Variants in CBFA2T2 observed in about 807,000 individuals in gnomAD.
CBFA2T2 encodes the protein CBFA2/RUNX1 partner transcriptional co-repressor 2.
A neutral mutation model predicts 62.2 loss-of-function variants in CBFA2T2; 11 were observed. The observed-to-expected ratio is 0.18, with a 90% confidence interval of 0.11 to 0.29. The LOEUF (loss-of-function observed/expected upper bound fraction) is 0.29. Among genes scored for constraint, CBFA2T2 ranks in the 10% least tolerant of loss-of-function variants. CBFA2T2 has a pLI of 1.00. For synonymous variants in CBFA2T2, 295 were observed against 287.5 expected (o/e 1.03, Z -0.27); for missense variants, 592 against 774.1 (o/e 0.76, Z 2.79).
At position 33,650,002 on chromosome 20, in the gene CBFA2T2, A is replaced by G. The variant is rs2017194435; in HGVS notation, c.*5356A>G. 1 of 151,136 alleles carries G rather than the reference A, an allele frequency of 6.6e-6. No homozygotes were observed. The highest frequency in any genetic ancestry group is 1.9e-4 in the East Asian group (1 of 5,186). The allele number at this position is 151,136 out of a possible 1,614,324, so 9.4% of individuals were successfully genotyped here. A position where few individuals can be genotyped will look rare whatever the true frequency, so the allele number is the denominator to read the frequency against. On this transcript the variant is annotated 3_prime_UTR_variant, in exon 11 of 11. Transcript: ENST00000342704. ...AATATGTATTTAGTTTGTTCTACTT[A>G]AAGTAGTCAATAAAAAGGCTATATT... is the stretch of plus-strand genomic sequence containing the variant.
At chr20:33,543,585 G>A (rs1436654860) in intron 1 of CBFA2T2, among the ~76,000 whole-genome samples, 2 of 152,102 alleles carry the variant, frequency 1.3e-5, no homozygotes, top group African/African-American at 2.4e-5. Flanking sequence ...TGAACTTGAA[G>A]GTGTTTTAGA....
At chr20:33,599,819 C>T (rs2015043541) in intron 1 of CBFA2T2, among the ~76,000 whole-genome samples, 2 of 152,134 alleles carry the variant, frequency 1.3e-5, no homozygotes, top group Non-Finnish European at 2.9e-5. Context: ...GTCTTGAACT[C>T]CTGACCTCAG....
intron 8 of CBFA2T2, among the ~76,000 whole-genome samples, chr20:33,632,792 G>A (rs554065370): frequency 1.8e-4 from 28 of 151,846 alleles, no homozygotes; most frequent in African/African-American, 5.6e-4. Flanking sequence ...TGTTTGAGAC[G>A]GAGTCTTGTC....
intron 4 of CBFA2T2, 142 bp downstream of exon 4, chr20:33,619,748 A>C (rs2015863972): frequency 3.5e-6 from 2 of 578,262 alleles, no homozygotes; most frequent in South Asian, 4.6e-5. Context: ...GAGTGCAGTT[A>C]ACAGATAAAC....
At chr20:33,553,160 C>T (rs954822576) in intron 1 of CBFA2T2, among the ~76,000 whole-genome samples, 1 of 152,176 alleles carries the variant, frequency 6.6e-6, no homozygotes, top group Non-Finnish European at 1.5e-5. Flanking sequence ...AGTGTAACCT[C>T]AGTAGGTGTT....
At chr20:33,571,877 T>TTTTG (rs1205979236) in intron 1 of CBFA2T2, among the ~76,000 whole-genome samples, 1 of 152,108 alleles carries the variant, frequency 6.6e-6, no homozygotes, top group African/African-American at 2.4e-5. Flanking sequence ...TTTTCTTGTG[T>TTTTG]TTTGTTTGTT....
intron 6 of CBFA2T2, among the ~76,000 whole-genome samples, chr20:33,628,127 C>T (rs1323984076): frequency 2.6e-5 from 4 of 152,124 alleles, no homozygotes; most frequent in Admixed American, 2.0e-4. Flanking sequence ...TTCTTTAGGG[C>T]TATTTCGTGT....
intron 1 of CBFA2T2, among the ~76,000 whole-genome samples, chr20:33,544,600 C>G (rs544164631): frequency 6.6e-6 from 1 of 151,802 alleles, no homozygotes; most frequent in Non-Finnish European, 1.5e-5. Context: ...CAGGCTGGAG[C>G]GTAGTGGCGC....
At chr20:33,518,945 C>T (rs1259443910) in intron 1 of CBFA2T2, among the ~76,000 whole-genome samples, 1 of 151,980 alleles carries the variant, frequency 6.6e-6, no homozygotes, top group Non-Finnish European at 1.5e-5. Context: ...CCTCAGCCTC[C>T]CAAGCAACTG....
chr20:33,545,023 A>AACAGAACAGAACAGAACAG (rs2012511122), intron 1 of CBFA2T2, among the ~76,000 whole-genome samples: 1 of 151,038 alleles, frequency 6.6e-6, no homozygotes, highest in African/African-American at 2.4e-5. Flanking sequence ...AACAGAACAG[A>AACAGAACAGAACAGAACAG]ATGCAAGGTA....
chr20:33,570,106 C>T (rs148422001), intron 1 of CBFA2T2, among the ~76,000 whole-genome samples: 62 of 152,204 alleles, frequency 4.1e-4, no homozygotes, highest in African/African-American at 1.5e-3. Context: ...TGGTGAAGCC[C>T]CATCTTTACT....
At chr20:33,635,134 A>C (rs917000991) in intron 8 of CBFA2T2, among the ~76,000 whole-genome samples, 2 of 152,242 alleles carry the variant, frequency 1.3e-5, no homozygotes, top group Non-Finnish European at 2.9e-5. Context: ...CCAAGTAGAC[A>C]ACACAGGAAA....
At chr20:33,491,620 A>G (rs1319404995) in intron 1 of CBFA2T2, among the ~76,000 whole-genome samples, 1 of 152,142 alleles carries the variant, frequency 6.6e-6, no homozygotes, top group African/African-American at 2.4e-5. Flanking sequence ...GGTTTGATCC[A>G]TTCCTCATGA....
At chr20:33,562,630 T>C in intron 1 of CBFA2T2, 1 of 985,510 alleles carries the variant, frequency 1.0e-6, no homozygotes, top group Non-Finnish European at 1.2e-6. Context: ...CAAATAAATT[T>C]GGTGTATTTA....
At chr20:33,618,315 G>T (rs1240153032) in intron 3 of CBFA2T2, 10 of 151,924 alleles carry the variant, frequency 6.6e-5, no homozygotes, top group Admixed American at 5.9e-4. Flanking sequence ...GAGCAAGCAG[G>T]GATTCAGAAT....
intron 1 of CBFA2T2, among the ~76,000 whole-genome samples, chr20:33,544,840 C>G (rs1376531026): frequency 1.3e-5 from 2 of 152,088 alleles, no homozygotes; most frequent in Admixed American, 1.3e-4. Context: ...CCACTGTGCC[C>G]GGCCTATGTG....
intron 1 of CBFA2T2, among the ~76,000 whole-genome samples, chr20:33,550,243 C>CTTA (rs1299089484): frequency 6.6e-6 from 1 of 152,132 alleles, no homozygotes; most frequent in Admixed American, 6.6e-5. Flanking sequence ...ATTTTTAATA[C>CTTA]TTATTAGCAA....
At position 33,644,327 on chromosome 20, in the gene CBFA2T2, C is replaced by T. The variant is rs1415061376; in HGVS notation, c.1489-20C>T. 6.3e-7 allele frequency: 1 copy of T among 1,597,898 alleles called. No individual in the cohort carries two copies. The highest frequency in any genetic ancestry group is 8.6e-7 in the Non-Finnish European group (1 of 1,168,932). On this transcript the variant is annotated intron_variant, in intron 10 of 10. Coordinates refer to ENST00000342704, the MANE Select transcript of CBFA2T2 (RefSeq NM_001032999.3). ...GCCCCTCAATCCCAGCAACCACTAACTGATGCCTGTGTCTTGCAGAACTGC... is the reference window on the plus strand; with the variant it reads ...GCCCCTCAATCCCAGCAACCACTAATTGATGCCTGTGTCTTGCAGAACTGC...
At chr20:33,579,418 G>A (rs534789868) in intron 1 of CBFA2T2, among the ~76,000 whole-genome samples, 10 of 151,926 alleles carry the variant, frequency 6.6e-5, no homozygotes, top group South Asian at 2.1e-4. Flanking sequence ...TTTAATTTTC[G>A]TGAAGTCTAA....
Sources: allele counts gnomAD v4.1 joint callset (sites outside exome capture counted in the v4.1 genomes callset), GRCh38; gene constraint gnomAD v4.1.1; transcripts MANE v1.5; gene names NCBI Gene and HGNC (gene_info 2026-07-23, HGNC 2026-07-21).